The following ARFGEF3 variants were observed in gnomAD, a reference collection of about 807,000 sequenced individuals.
ARFGEF3 encodes the protein brefeldin A-inhibited guanine nucleotide-exchange protein 3.
ARFGEF3 carries 96 observed loss-of-function variants against 221.7 expected under a neutral mutation model. That is an observed-to-expected ratio of 0.43 (90% CI 0.37 to 0.51). The LOEUF is 0.51. Among genes scored for constraint, ARFGEF3 ranks in the 20% least tolerant of loss-of-function variants. The pLI, the probability that ARFGEF3 is intolerant of heterozygous loss-of-function variation, is 0.00. For missense variants in ARFGEF3, 2,410 were observed against 2,789.9 expected, an observed-to-expected ratio of 0.86 and a Z score of 3.07; for synonymous variants, 1,145 against 1,126.8, an observed-to-expected ratio of 1.02 and a Z score of -0.32.
At chr6:138,279,708 A>G (rs1282791409) in intron 13 of ARFGEF3, among the ~76,000 whole-genome samples, 1 of 152,238 alleles carries the variant, frequency 6.6e-6, no homozygotes, top group Non-Finnish European at 1.5e-5. Context: ...ACGCTATTAA[A>G]GACATCTGTG....
intron 2 of ARFGEF3, among the ~76,000 whole-genome samples, chr6:138,181,977 A>G (rs1777086606): frequency 6.6e-6 from 1 of 152,154 alleles, no homozygotes; most frequent in African/African-American, 2.4e-5. Flanking sequence ...CCATAGAGTT[A>G]TTTACATCTT....
rs1215882131 is a variant in ARFGEF3, at chr6:138,340,443, C to T, written c.*3957C>T. ...ATACCCTTGACTTTGCCAGATTCAT[C>T]ACAATACTGCTTATACAGGAAAGTT... is the stretch of plus-strand genomic sequence containing the variant. On this transcript the variant is annotated 3_prime_UTR_variant, in exon 34 of 34. Coordinates refer to ENST00000251691, the MANE Select transcript of ARFGEF3 (RefSeq NM_020340.5). 3.9e-5 allele frequency: 6 copies of T among 152,180 alleles called. No individual in the cohort carries two copies. Among genetic ancestry groups the T allele is most frequent in the Admixed American group, 3.3e-4 (5 of 15,282 alleles). The allele number at this position is 152,180 out of a possible 1,614,324, so 9.4% of individuals were successfully genotyped here.
At chr6:138,166,914 C>G (rs187864113) in intron 1 of ARFGEF3, among the ~76,000 whole-genome samples, 5 of 152,348 alleles carry the variant, frequency 3.3e-5, no homozygotes, top group Non-Finnish European at 4.4e-5. Flanking sequence ...GATTACTTCA[C>G]AGCCAAACTT....
In ARFGEF3 at chr6:138,311,710, C is replaced by T. The variant is rs965794505; in HGVS notation, c.4200+200C>T. ...GAAAATAATGAAAACATACTAGAAC[C>T]CACAATTGGATGCTGAGGTCTCTGA... On this transcript the variant is annotated intron_variant, in intron 25 of 33. Transcript: ENST00000251691. Among the ~76,000 whole-genome samples the T allele has an allele frequency of 1.2e-4, 18 of 152,106 alleles. 1 individual carries two copies. Among genetic ancestry groups the T allele is most frequent in the Non-Finnish European group, 2.6e-4 (18 of 68,030 alleles).
At chr6:138,242,251 A>G (rs1262959239) in intron 6 of ARFGEF3, among the ~76,000 whole-genome samples, 2 of 152,194 alleles carry the variant, frequency 1.3e-5, no homozygotes, top group East Asian at 1.9e-4. Context: ...ATAAAGTGCC[A>G]CCTTCCTAGT....
In ARFGEF3 at chr6:138,232,070, C is replaced by G. The variant is rs530503916; in HGVS notation, c.420+2218C>G. 1.2e-4 allele frequency among the ~76,000 whole-genome samples: 18 copies of G among 152,222 alleles called. No individual in the cohort carries two copies. In the South Asian group the frequency reaches 3.5e-3, roughly 30 times the overall value. ...CTAAAACTCCATGTGGATGCATAGC[C>G]CTTCTCTTCATTGATTGAAAGCTGA... is the stretch of plus-strand genomic sequence containing the variant. On this transcript the variant is annotated intron_variant, in intron 5 of 33. Transcript: ENST00000251691.
intron 17 of ARFGEF3, among the ~76,000 whole-genome samples, chr6:138,287,689 C>T (rs184880493): frequency 2.8e-4 from 43 of 152,234 alleles, no homozygotes; most frequent in African/African-American, 9.6e-4. Context: ...ATCAGTGAGT[C>T]GGTGAAGCTG....
At chr6:138,286,301 T>C (rs2114628129) in intron 15 of ARFGEF3, among the ~76,000 whole-genome samples, 1 of 152,030 alleles carries the variant, frequency 6.6e-6, no homozygotes, top group South Asian at 2.1e-4. Flanking sequence ...ATACAAAAAA[T>C]TAGCCGGGTG....
At chr6:138,247,457 G>A (rs1043790851) in intron 8 of ARFGEF3, among the ~76,000 whole-genome samples, 10 of 152,164 alleles carry the variant, frequency 6.6e-5, no homozygotes, top group African/African-American at 2.4e-4. Flanking sequence ...ATGACCAGAG[G>A]TCTGATCTGT....
At chr6:138,206,245 C>T (rs895936891) in intron 2 of ARFGEF3, among the ~76,000 whole-genome samples, 13 of 152,132 alleles carry the variant, frequency 8.5e-5, no homozygotes, top group African/African-American at 3.1e-4. Flanking sequence ...GTAGATGCTT[C>T]TAACAGACAT....
chr6:138,254,092 T>G, intron 9 of ARFGEF3, 108 bp downstream of exon 9: 1 of 662,424 alleles, frequency 1.5e-6, no homozygotes, highest in Non-Finnish European at 2.5e-6. Context: ...AGTAGTAGTT[T>G]CATCTGTGCG....
At chr6:138,296,977 A>G (rs750664751) in intron 21 of ARFGEF3, 22 bp downstream of exon 21, 2 of 1,603,320 alleles carry the variant, frequency 1.2e-6, no homozygotes, top group Non-Finnish European at 1.7e-6. Flanking sequence ...GAAGGTGGGA[A>G]GAGGCTGGAA....
rs115321353 is a variant in ARFGEF3 at position 138,267,842 on chromosome 6, G to A, written c.2128+4231G>A. On this transcript the variant is annotated intron_variant, in intron 12 of 33. Coordinates refer to ENST00000251691, the MANE Select transcript of ARFGEF3 (RefSeq NM_020340.5). ...TGTTTTATGAAATTATTTTTTAAACGTAAAAATCAATACATTGAAAAGAGA... is the reference window on the plus strand; with the variant it reads ...TGTTTTATGAAATTATTTTTTAAACATAAAAATCAATACATTGAAAAGAGA... Among the ~76,000 whole-genome samples the A allele has an allele frequency of 3.5e-3, 526 of 152,280 alleles. 2 individuals carry two copies. Among genetic ancestry groups the A allele is most frequent in the African/African-American group, 0.011 (462 of 41,560 alleles).
chr6:138,253,777 CT>C, intron 8 of ARFGEF3, 102 bp from the exon 9 acceptor site: 1 of 896,338 alleles, frequency 1.1e-6, no homozygotes, highest in Non-Finnish European at 1.8e-6. Context: ...AAAACTAGCA[CT>C]TTAGTAACGC....
At position 138,344,406 on chromosome 6, in the gene ARFGEF3, CTG is replaced by C. The variant is rs971608756; in HGVS notation, c.*7921_*7922del. On this transcript the variant is annotated 3_prime_UTR_variant, in exon 34 of 34. Transcript: ENST00000251691. Reference sequence around the variant, plus strand: ...GGTCATATTTACTTAAAAAAACAAACTGAAAATCACACTCCTTTATATGTTGA... The same window carrying C: ...GGTCATATTTACTTAAAAAAACAAACAAAATCACACTCCTTTATATGTTGA... 139 of 152,188 alleles carry C rather than the reference CTG, an allele frequency of 9.1e-4. No individual in the cohort carries two copies. The highest frequency in any genetic ancestry group is 3.3e-3 in the African/African-American group (138 of 41,510). 9.4% of individuals were successfully genotyped at this position (152,188 alleles called of 1,614,324 possible).
chr6:138,343,489 C>T lies in ARFGEF3; in HGVS notation c.*7003C>T, dbSNP rs1263222214. On this transcript the variant is annotated 3_prime_UTR_variant, in exon 34 of 34. Transcript: ENST00000251691. ...TTTGGTTTTTTTTTTACTTTAGTTT[C>T]CCATAATTTTTGGAAATTATGTGTG... 6.7e-6 allele frequency: 1 copy of T among 149,476 alleles called. No homozygotes were observed. Among genetic ancestry groups the T allele is most frequent in the Non-Finnish European group, 1.5e-5 (1 of 67,372 alleles). The allele number at this position is 149,476 out of a possible 1,614,324, so 9.3% of individuals were successfully genotyped here.
At chr6:138,180,426 A>G (rs1777056060) in intron 2 of ARFGEF3, among the ~76,000 whole-genome samples, 1 of 152,204 alleles carries the variant, frequency 6.6e-6, no homozygotes, top group South Asian at 2.1e-4. Flanking sequence ...TAGGTAGATT[A>G]CAAACATCTG....
intron 29 of ARFGEF3, 35 bp from the exon 30 acceptor site, chr6:138,323,635 CA>C (rs370204274): frequency 7.8e-4 from 988 of 1,265,544 alleles, no homozygotes; most frequent in Admixed American, 1.2e-3. Flanking sequence ...ACAACAACAA[CA>C]AAAAAAAAAC....
In ARFGEF3 at chr6:138,340,555, T is replaced by C. The variant is rs1418012631; in HGVS notation, c.*4069T>C. On this transcript the variant is annotated 3_prime_UTR_variant, in exon 34 of 34. Transcript: ENST00000251691. ...GATAGTAATAGCAAGAGGTTACAAA[T>C]AGCAGGGAGGAGGCGAGTAGTGAAT... The C allele has an allele frequency of 6.6e-6, 1 of 152,184 alleles. No homozygotes were observed. Among genetic ancestry groups the C allele is most frequent in the Non-Finnish European group, 1.5e-5 (1 of 68,046 alleles). The allele number at this position is 152,184 out of a possible 1,614,324, so 9.4% of individuals were successfully genotyped here. A position where few individuals can be genotyped will look rare whatever the true frequency, so the allele number is the denominator to read the frequency against.
Sources: gnomAD v4.1 joint callset for allele counts (sites outside exome capture counted in the v4.1 genomes callset) on GRCh38, gnomAD v4.1.1 for gene constraint, MANE v1.5 for transcripts, NCBI Gene and HGNC (gene_info 2026-07-23, HGNC 2026-07-21) for gene names.